TG: variants seen among roughly 807,000 people sequenced by gnomAD.
TG encodes the protein thyroglobulin, also known as thyroid hormones.
Under a neutral mutation model 324.7 loss-of-function variants are expected in TG, and 270 were observed. The observed-to-expected ratio is 0.83, with a 90% CI of 0.75 to 0.92. The LOEUF (loss-of-function observed/expected upper bound fraction) is 0.92. Ranked by LOEUF, TG falls within the 40% of genes least tolerant of loss-of-function variation. The probability of loss-of-function intolerance (pLI) is 0.00; values close to 1 mark genes in which losing one functional copy is unlikely to be tolerated. For missense variants in TG, 3,591 were observed against 3,456.4 expected (o/e 1.04, Z -0.98); for synonymous variants, 1,401 against 1,327.0 (o/e 1.06, Z -1.21).
chr8:133,101,510 T>C (rs1849247662), intron 43 of TG, among the ~76,000 whole-genome samples: 1 of 152,138 alleles, frequency 6.6e-6, no homozygotes, highest in African/African-American at 2.4e-5. Flanking sequence ...TACTCCATCC[T>C]CTGTCCTTTG....
chr8:133,048,674 A>C (rs774450516), intron 41 of TG: 75 of 158,758 alleles, frequency 4.7e-4, no homozygotes, highest in Admixed American at 9.7e-4. Flanking sequence ...GCATTGATGC[A>C]TGCTTGCTAG....
chr8:133,070,029 A>AAAAAAAAAAAAAAAAAAAAAAAAAAAC (rs376711807), intron 41 of TG, among the ~76,000 whole-genome samples: 1 of 109,812 alleles, frequency 9.1e-6, no homozygotes, highest in African/African-American at 3.9e-5. Flanking sequence ...AAAAAAAAGA[A>AAAAAAAAAAAAAAAAAAAAAAAAAAAC]AGAAAGAAAG....
Position 133,029,918 on chromosome 8 carries a change from G to A in TG, c.7134G>A (p.Arg2378=). ...THIRGFGGDP[R]RVSLAADRGG... ...TCCGAGGATTTGGCGGGGACCCTCG[G>A]CGCGTGTCCCTGGCAGCAGACCGTG... Residue 2378 remains arginine, a synonymous_variant, in exon 41 of 48, where the codon CGG becomes CGA. Transcript: ENST00000220616. The A allele has an allele frequency of 6.2e-7, 1 of 1,614,224 alleles. No homozygotes were observed. Among genetic ancestry groups the A allele is most frequent in the African/African-American group, 1.3e-5 (1 of 75,062 alleles).
At chr8:132,906,597 G>A in intron 16 of TG, 91 bp from the exon 17 acceptor site, 8 of 1,459,692 alleles carry the variant, frequency 5.5e-6, no homozygotes, top group Non-Finnish European at 6.6e-6. Context: ...AGGGCCCAGT[G>A]TGAGTGAGAA....
chr8:133,095,330 T>G, intron 42 of TG, 122 bp downstream of exon 42: 1 of 1,370,912 alleles, frequency 7.3e-7, no homozygotes, highest in Non-Finnish European at 1.0e-6. Flanking sequence ...GATGACCAAC[T>G]GGAGCTGGAA....
rs376191392 is a variant in TG at position 132,917,192 on chromosome 8, G to GCACT, written c.4379-2180_4379-2177dup. Among the ~76,000 whole-genome samples the GCACT allele has an allele frequency of 3.1e-3, 474 of 151,960 alleles. 2 individuals carry two copies. Among genetic ancestry groups the GCACT allele is most frequent in the African/African-American group, 0.011 (464 of 41,422 alleles). ...CAAAAAACAAAGCTCCAATCTCAAGGCACTCACAGCCTGGCTGGGGAGAGA... is the reference window on the plus strand; with the variant it reads ...CAAAAAACAAAGCTCCAATCTCAAGGCACTCACTCACAGCCTGGCTGGGGAGAGA... On this transcript the variant is annotated intron_variant, in intron 20 of 47. Coordinates refer to ENST00000220616, the MANE Select transcript of TG (RefSeq NM_003235.5).
At chr8:132,877,121 G>A (rs1196951962) in intron 5 of TG, among the ~76,000 whole-genome samples, 1 of 151,882 alleles carries the variant, frequency 6.6e-6, no homozygotes, top group Non-Finnish European at 1.5e-5. Flanking sequence ...GCTAGGCTAC[G>A]GCCCCCTCTT....
chr8:133,086,972 T>C (rs771749581), intron 41 of TG, among the ~76,000 whole-genome samples: 2 of 151,854 alleles, frequency 1.3e-5, no homozygotes, highest in Non-Finnish European at 2.9e-5. Flanking sequence ...ATCTTGTAAA[T>C]AAATAAGTAA....
intron 45 of TG, among the ~76,000 whole-genome samples, chr8:133,123,968 A>T (rs1851337552): frequency 6.6e-6 from 1 of 152,380 alleles, no homozygotes; most frequent in Middle Eastern, 3.4e-3. Flanking sequence ...CAGAGAGTGA[A>T]CACTGATTAG....
At chr8:132,967,679 GC>G in intron 30 of TG, 114 bp from the exon 31 acceptor site, 1 of 1,182,210 alleles carries the variant, frequency 8.5e-7, no homozygotes, top group Non-Finnish European at 1.2e-6. Context: ...TCAGGCCTCT[GC>G]CCTAACTAGG....
intron 43 of TG, among the ~76,000 whole-genome samples, chr8:133,109,221 A>G (rs1011787911): frequency 1.3e-5 from 2 of 152,190 alleles, no homozygotes; most frequent in Non-Finnish European, 2.9e-5. Flanking sequence ...TGAAGTTCCC[A>G]GGCCAACGGC....
chr8:132,898,713 C>A (rs756833909), intron 13 of TG, 85 bp from the exon 14 acceptor site: 34 of 1,146,624 alleles, frequency 3.0e-5, no homozygotes, highest in South Asian at 2.8e-4. Context: ...AGGCTCATGA[C>A]CCTTAAAGGT....
At position 132,871,592 on chromosome 8, in the gene TG, G is replaced by T. The variant is rs1285067644; in HGVS notation, c.478+41G>T. On this transcript the variant is annotated intron_variant, in intron 4 of 47. Transcript: ENST00000220616. ...CGCCTGCACCCCTAGAGCTGGGGAGGGGCTGAAGCTTTCCTCACTGCGATC... is the reference window on the plus strand; with the variant it reads ...CGCCTGCACCCCTAGAGCTGGGGAGTGGCTGAAGCTTTCCTCACTGCGATC... 14 of 1,594,846 alleles carry T rather than the reference G, an allele frequency of 8.8e-6. No individual in the cohort carries two copies. The Admixed American group carries it at 2.4e-4, about 27-fold the overall frequency.
chr8:132,947,080 C>A (rs1378546042), intron 26 of TG, among the ~76,000 whole-genome samples: 1 of 152,158 alleles, frequency 6.6e-6, no homozygotes, highest in African/African-American at 2.4e-5. Flanking sequence ...ACAGCCGGCC[C>A]TCAAGCCTGC....
intron 16 of TG, 113 bp from the exon 17 acceptor site, chr8:132,906,575 G>T: frequency 8.2e-7 from 1 of 1,223,200 alleles, no homozygotes; most frequent in Non-Finnish European, 1.2e-6. Flanking sequence ...GTCCAGGGAA[G>T]GGGAGAGGAG....
rs772475658 is a variant in TG at position 132,900,257 on chromosome 8, G to A, written c.3351G>A (p.Leu1117=). 239 of 1,613,888 alleles carry A rather than the reference G, an allele frequency of 1.5e-4. 1 individual carries two copies. The highest frequency in any genetic ancestry group is 6.4e-5 in the Non-Finnish European group (75 of 1,179,990). The change falls in exon 15 of 48, where the codon CTG becomes CTA. Residue 1117 remains leucine, a synonymous_variant. Coordinates refer to ENST00000220616, the MANE Select transcript of TG (RefSeq NM_003235.5). ...CTCAGACAGGAGAGTATGCCAGGCT[G>A]CAGGCATCGGGGGCTGGCACCTGGT... ...ACLETGEYAR[L]QASGAGTWCV... is the part of the protein sequence containing the mutation.
rs1491579989 is a variant in TG at position 133,128,337 on chromosome 8, G to GCGCACACA, written c.7863-3474_7863-3473insGCACACAC. ...ATCCTGAAACTGAAACAAAAGGCGT[G>GCGCACACA]CACACACACACACACACACACACAC... On this transcript the variant is annotated intron_variant, in intron 45 of 47. Transcript: ENST00000220616. Among the ~76,000 whole-genome samples, 13 of 133,802 alleles carry GCGCACACA rather than the reference G, an allele frequency of 9.7e-5. No homozygotes were observed. The Middle Eastern group carries it at 0.016, about 160-fold the overall frequency. 87.8% of individuals were successfully genotyped at this position (133,802 alleles called of 152,430 possible). A position where few individuals can be genotyped will look rare whatever the true frequency, so the allele number is the denominator to read the frequency against.
chr8:133,045,203 G>C, intron 41 of TG: 1 of 1,383,800 alleles, frequency 7.2e-7, no homozygotes, highest in Non-Finnish European at 1.0e-6. Flanking sequence ...CTGAGGCAGG[G>C]AGACCTGCCC....
chr8:132,878,992 T>C (rs1006343938), intron 5 of TG, among the ~76,000 whole-genome samples: 9 of 152,186 alleles, frequency 5.9e-5, no homozygotes, highest in Admixed American at 1.3e-4. Context: ...TTTTGGTTGA[T>C]GTGGGGCAGG....
Sources: gnomAD v4.1 joint callset for allele counts (sites outside exome capture counted in the v4.1 genomes callset) on GRCh38, gnomAD v4.1.1 for gene constraint, MANE v1.5 for transcripts, NCBI Gene and HGNC (gene_info 2026-07-23, HGNC 2026-07-21) for gene names.